The following RNF213 variants were observed in gnomAD, a reference collection of about 807,000 sequenced individuals.
RNF213 encodes the protein ring finger protein 213.
RNF213 carries 341 observed loss-of-function variants against 514.4 expected under a neutral mutation model. The ratio of observed to expected loss-of-function variants is 0.66; its 90% CI spans 0.61 to 0.73. The LOEUF is 0.73. Among genes scored for constraint, RNF213 ranks in the 30% least tolerant of loss-of-function variants. RNF213 has a pLI of 0.00. For synonymous variants in RNF213, 2,655 were observed against 2,658.2 expected, an observed-to-expected ratio of 1.00 and a Z score of 0.04; for missense variants, 5,767 against 6,615.6, an observed-to-expected ratio of 0.87 and a Z score of 4.45.
intron 15 of RNF213, among the ~76,000 whole-genome samples, chr17:80,315,210 A>G (rs143570601): frequency 5.1e-3 from 14 of 2,758 alleles, no homozygotes; most frequent in Non-Finnish European, 7.1e-3. Flanking sequence ...AATGGAGGTG[A>G]TGGTGGTGGT....
chr17:80,396,333 G>GT lies in RNF213; in HGVS notation c.*2836dup, dbSNP rs1337514222. 3.9e-5 allele frequency: 6 copies of GT among 152,190 alleles called. No individual in the cohort carries two copies. Among genetic ancestry groups the GT allele is most frequent in the Non-Finnish European group, 8.8e-5 (6 of 68,040 alleles). 9.4% of individuals were successfully genotyped at this position (152,190 alleles called of 1,614,324 possible). ...CTTTCATGAATAGTTATGAGACTTT[G>GT]TGCATGTGTTAACCGAGACGGCCCT... On this transcript the variant is annotated 3_prime_UTR_variant, in exon 68 of 68. Coordinates refer to ENST00000582970, the MANE Select transcript of RNF213 (RefSeq NM_001256071.3).
intron 32 of RNF213, chr17:80,352,610 C>G (rs906501029): frequency 5.5e-5 from 32 of 584,022 alleles, no homozygotes; most frequent in Non-Finnish European, 8.9e-5. Flanking sequence ...CAGTGTCCCC[C>G]ACCCCTCACT....
At position 80,383,861 on chromosome 17, in the gene RNF213, TC is replaced by T; in HGVS notation, c.14257del (p.Gln4753SerfsTer26). On this transcript the variant is annotated frameshift_variant, in exon 59 of 68. Coordinates refer to ENST00000582970, the MANE Select transcript of RNF213 (RefSeq NM_001256071.3). LOFTEE classifies it high-confidence loss of function. ...AGGAAAAGAATTACAGTTGAGTACC[TC>T]CAGCACATTGTGGAACAGAAAAATG... ...SCRKRITVEY[L>X]QHIVEQKNGK... 6.2e-7 allele frequency: 1 copy of T among 1,614,124 alleles called. No homozygotes were observed. The highest frequency in any genetic ancestry group is 1.3e-5 in the African/African-American group (1 of 75,034).
chr17:80,381,923 T>C, intron 57 of RNF213, 196 bp downstream of exon 57: 1 of 623,530 alleles, frequency 1.6e-6, no homozygotes, highest in Non-Finnish European at 2.8e-6. Flanking sequence ...AAGGAAGCAC[T>C]CTGCTTGCCC....
chr17:80,314,916 ATGG>A (rs1568055844), intron 15 of RNF213, among the ~76,000 whole-genome samples: 1 of 4,012 alleles, frequency 2.5e-4, no homozygotes, highest in Non-Finnish European at 4.0e-4. Context: ...ACTGGAGGTG[ATGG>A]TGGTGGTGAA....
At chr17:80,320,101 TAC>T in intron 17 of RNF213, 1 of 749,524 alleles carries the variant, frequency 1.3e-6, no homozygotes, top group Non-Finnish European at 1.6e-6. Flanking sequence ...CACAGATATG[TAC>T]AGTCATCACC....
At chr17:80,286,589 C>T (rs1041677204) in intron 3 of RNF213, among the ~76,000 whole-genome samples, 1 of 152,116 alleles carries the variant, frequency 6.6e-6, no homozygotes, top group African/African-American at 2.4e-5. Flanking sequence ...GGCGCTTCCT[C>T]ATCCCCTTGT....
chr17:80,286,873 A>G (rs967096114), intron 3 of RNF213, among the ~76,000 whole-genome samples: 3 of 152,106 alleles, frequency 2.0e-5, no homozygotes, highest in African/African-American at 7.2e-5. Flanking sequence ...TCCTCCCACC[A>G]GCCGCAGTCC....
chr17:80,305,184 C>CTTTTTTTTTTTTTTT lies in RNF213; in HGVS notation c.2211-1055_2211-1054insTTTTTTTTTTTTTTT, dbSNP rs71163950. On this transcript the variant is annotated intron_variant, in intron 11 of 67. Coordinates refer to ENST00000582970, the MANE Select transcript of RNF213 (RefSeq NM_001256071.3). ...ATGAGCCACTGCACCCAGCAGTGAA[C>CTTTTTTTTTTTTTTT]TTTTTTTTTTTTTGAGACAGTTTTG... Among the ~76,000 whole-genome samples the CTTTTTTTTTTTTTTT allele has an allele frequency of 8.5e-4, 108 of 127,396 alleles. 6 individuals carry two copies. Among genetic ancestry groups the CTTTTTTTTTTTTTTT allele is most frequent in the African/African-American group, 3.2e-3 (92 of 28,708 alleles). 83.6% of individuals were successfully genotyped at this position (127,396 alleles called of 152,430 possible).
Position 80,393,580 on chromosome 17 carries a change from C to A in RNF213, c.*82C>A. ...TCTGCGGCGTGGACTTGATCATGGACTGGTGCCTTTGCATTCAGAAGGAGA... is the reference window on the plus strand; with the variant it reads ...TCTGCGGCGTGGACTTGATCATGGAATGGTGCCTTTGCATTCAGAAGGAGA... On this transcript the variant is annotated 3_prime_UTR_variant, in exon 68 of 68. Transcript: ENST00000582970. 1 of 1,471,032 alleles carries A rather than the reference C, an allele frequency of 6.8e-7. No homozygotes were observed. The highest frequency in any genetic ancestry group is 9.4e-7 in the Non-Finnish European group (1 of 1,061,384). 91.1% of individuals were successfully genotyped at this position (1,471,032 alleles called of 1,614,324 possible).
intron 17 of RNF213, among the ~76,000 whole-genome samples, chr17:80,324,272 C>G (rs541085247): frequency 6.6e-6 from 1 of 152,168 alleles, no homozygotes; most frequent in Non-Finnish European, 1.5e-5. Flanking sequence ...TTTTGTTCCT[C>G]ATTTGTTGAA....
chr17:80,357,857 T>C (rs1183839921), intron 36 of RNF213, among the ~76,000 whole-genome samples: 28 of 152,048 alleles, frequency 1.8e-4, no homozygotes, highest in Admixed American at 1.8e-3. Flanking sequence ...ATGGTGGCAC[T>C]GGGTGTGTTG....
Position 80,288,644 on chromosome 17 carries a change from T to C in RNF213, c.822T>C (p.Ala274=). ...AGASASMAVD[A]VAEPANAVKG... Reference sequence around the variant, plus strand: ...TTGGGGTCTTTCAGGCAGTTGATGCTGTAGCTGAGCCAGCCAATGCAGTTA... The same window carrying C: ...TTGGGGTCTTTCAGGCAGTTGATGCCGTAGCTGAGCCAGCCAATGCAGTTA... The change falls in exon 5 of 68, where the codon GCT becomes GCC. Residue 274 remains alanine (A), a synonymous_variant. Transcript: ENST00000582970. The surrounding 1 kb of genome is among the most constrained non-coding windows in gnomAD (Gnocchi z 4.9). 6.2e-7 allele frequency: 1 copy of C among 1,614,110 alleles called. No individual in the cohort carries two copies. Among genetic ancestry groups the C allele is most frequent in the Non-Finnish European group, 8.5e-7 (1 of 1,180,024 alleles).
chr17:80,292,208 C>T (rs779045644), intron 8 of RNF213, among the ~76,000 whole-genome samples: 1 of 152,098 alleles, frequency 6.6e-6, no homozygotes, highest in African/African-American at 2.4e-5. Flanking sequence ...TCTCAGCCTC[C>T]CGAGTAGCTG....
intron 12 of RNF213, 28 bp from the exon 13 acceptor site, chr17:80,307,100 C>T: frequency 6.2e-7 from 1 of 1,607,818 alleles, no homozygotes; most frequent in Non-Finnish European, 8.5e-7. Context: ...AATCTTTTGT[C>T]CTGTTTTTCT....
intron 64 of RNF213, 21 bp from the exon 65 acceptor site, chr17:80,389,152 C>T (rs902331384): frequency 5.6e-6 from 9 of 1,612,224 alleles, no homozygotes; most frequent in South Asian, 1.1e-5. Context: ...AGACATCCCT[C>T]TCCTGCTTTT....
intron 36 of RNF213, among the ~76,000 whole-genome samples, chr17:80,356,648 G>C (rs1446904753): frequency 6.6e-6 from 1 of 152,218 alleles, no homozygotes; most frequent in African/African-American, 2.4e-5. Flanking sequence ...CAGGCTCAGC[G>C]GCTCCAGATA....
intron 60 of RNF213, 82 bp from the exon 61 acceptor site, chr17:80,385,456 C>T (rs565406582): frequency 7.3e-6 from 9 of 1,229,724 alleles, no homozygotes; most frequent in Middle Eastern, 2.3e-4. Context: ...GATGGGCTCT[C>T]GGCAGAGCAT....
intron 23 of RNF213, 180 bp from the exon 24 acceptor site, chr17:80,337,406 G>A (rs958203684): frequency 1.2e-5 from 8 of 690,314 alleles, no homozygotes; most frequent in Non-Finnish European, 1.9e-5. Flanking sequence ...GACAGATCAT[G>A]TTGTCAGGGT....
Sources: allele counts gnomAD v4.1 joint callset (sites outside exome capture counted in the v4.1 genomes callset), GRCh38; gene constraint gnomAD v4.1.1; non-coding constraint Gnocchi (gnomAD v3.1); transcripts MANE v1.5; gene names NCBI Gene and HGNC (gene_info 2026-07-23, HGNC 2026-07-21).